EFHC1: variants seen among roughly 807,000 people sequenced by gnomAD.
EFHC1 encodes EF-hand domain-containing protein 1.
Under a neutral mutation model 69.9 loss-of-function variants are expected in EFHC1, and 53 were observed. The ratio of observed to expected loss-of-function variants is 0.76; its 90% CI spans 0.61 to 0.95. The LOEUF is 0.95. Ranked by LOEUF, EFHC1 falls within the 40% of genes least tolerant of loss-of-function variation. The pLI is 0.00. For missense variants in EFHC1, 739 were observed against 798.7 expected (o/e 0.93, Z 0.90); for synonymous variants, 256 against 278.4 (o/e 0.92, Z 0.80).
intron 10 of EFHC1, chr6:52,490,620 C>T (rs1765880537): frequency 3.4e-6 from 2 of 586,052 alleles, no homozygotes; most frequent in Non-Finnish European, 6.0e-6. Context: ...TGAAGAAGGG[C>T]AACAGAGACG....
chr6:52,439,488 T>C (rs1290502752), intron 3 of EFHC1, among the ~76,000 whole-genome samples: 1 of 152,198 alleles, frequency 6.6e-6, no homozygotes, highest in East Asian at 1.9e-4. Flanking sequence ...TTCAGATGAC[T>C]ATGACAAGCT....
Position 52,423,622 on chromosome 6 carries a change from C to T in EFHC1, c.64-324C>T, listed in dbSNP as rs188881361. 486 of 540,646 alleles carry T rather than the reference C, an allele frequency of 9.0e-4. 2 individuals carry two copies. Among genetic ancestry groups the T allele is most frequent in the Non-Finnish European group, 1.4e-3 (424 of 312,420 alleles). The allele number at this position is 540,646 out of a possible 1,614,324, so 33.5% of individuals were successfully genotyped here. ...GCTCAAGTGATCCTTCCACCTCAGC[C>T]GACTATAATAGGCACAAGCCACCAC... On this transcript the variant is annotated intron_variant, in intron 1 of 10. Transcript: ENST00000371068.
intron 2 of EFHC1, among the ~76,000 whole-genome samples, chr6:52,425,493 G>T (rs779905205): frequency 5.3e-5 from 8 of 151,996 alleles, no homozygotes; most frequent in Non-Finnish European, 1.0e-4. Flanking sequence ...GAGAAATTGC[G>T]CTTGAGTAGG....
chr6:52,486,082 C>T (rs964078911), intron 9 of EFHC1: 4 of 152,176 alleles, frequency 2.6e-5, no homozygotes, highest in African/African-American at 4.8e-5. Context: ...GATAAAGAAT[C>T]GCGATCTAAG....
chr6:52,465,218 A>G, intron 6 of EFHC1, 103 bp downstream of exon 6: 2 of 1,000,786 alleles, frequency 2.0e-6, no homozygotes, highest in East Asian at 2.6e-5. Context: ...ATAATGGACA[A>G]AGTATATGTA....
intron 7 of EFHC1, among the ~76,000 whole-genome samples, chr6:52,477,011 T>G (rs1420829038): frequency 6.6e-6 from 1 of 152,190 alleles, no homozygotes; most frequent in Non-Finnish European, 1.5e-5. Context: ...ATATTTATGC[T>G]TTTCTATAAA....
Position 52,493,318 on chromosome 6 carries a change from A to C in EFHC1, c.*977A>C, listed in dbSNP as rs986881792. 9.4e-6 allele frequency: 4 copies of C among 427,588 alleles called. No individual in the cohort carries two copies. Among genetic ancestry groups the C allele is most frequent in the African/African-American group, 2.2e-5 (1 of 45,126 alleles). 26.5% of individuals were successfully genotyped at this position (427,588 alleles called of 1,614,324 possible). ...CAGATCTTGGGACTTGTAAGCCTTC[A>C]TAATTGTGTGAGCAATTTCTTATAA... On this transcript the variant is annotated 3_prime_UTR_variant, in exon 11 of 11. Transcript: ENST00000371068.
rs527754851 is a variant in EFHC1, at chr6:52,478,425, T to TAAAA, written c.1279-606_1279-603dup. Among the ~76,000 whole-genome samples the TAAAA allele has an allele frequency of 5.3e-3, 808 of 151,334 alleles. 7 individuals carry two copies. Among genetic ancestry groups the TAAAA allele is most frequent in the African/African-American group, 0.018 (758 of 41,292 alleles). On this transcript the variant is annotated intron_variant, in intron 7 of 10. Transcript: ENST00000371068. ...ATGTACCCTAAAACTTAAACTATAA[T>TAAAA]AAAAAAAAAGAAAAAGTCTTGTCTA...
At chr6:52,481,540 CG>C (rs1765676443) in intron 9 of EFHC1, 2 of 146,062 alleles carry the variant, frequency 1.4e-5, no homozygotes, top group African/African-American at 5.1e-5. Flanking sequence ...CTCTCTCTCT[CG>C]ACAGGATCTC....
chr6:52,440,315 C>T (rs1332317198), intron 3 of EFHC1, among the ~76,000 whole-genome samples: 2 of 152,014 alleles, frequency 1.3e-5, no homozygotes, highest in South Asian at 2.1e-4. Context: ...CTATAACTCA[C>T]GTCTGAACAA....
intron 2 of EFHC1, among the ~76,000 whole-genome samples, chr6:52,431,648 A>G (rs61380745): frequency 0.018 from 2,801 of 152,254 alleles, 96 homozygotes; most frequent in African/African-American, 0.064. Context: ...AGAAAGTTCT[A>G]TGCGCTGTTG....
chr6:52,436,868 C>T (rs1250906145), intron 2 of EFHC1, among the ~76,000 whole-genome samples: 1 of 152,168 alleles, frequency 6.6e-6, no homozygotes, highest in African/African-American at 2.4e-5. Flanking sequence ...TCTCAAACAC[C>T]TTAACTCAGG....
intron 3 of EFHC1, among the ~76,000 whole-genome samples, chr6:52,448,030 TGAG>T (rs1013136517): frequency 2.3e-4 from 35 of 152,332 alleles, no homozygotes; most frequent in African/African-American, 7.7e-4. Context: ...GGGACCCACT[TGAG>T]GAGGCAGTCT....
At chr6:52,449,910 A>AT (rs1764878095) in intron 3 of EFHC1, among the ~76,000 whole-genome samples, 1 of 152,140 alleles carries the variant, frequency 6.6e-6, no homozygotes, top group Non-Finnish European at 1.5e-5. Flanking sequence ...TAGGTTGTTA[A>AT]TTTGAGATGT....
chr6:52,434,936 G>A (rs1349013844), intron 2 of EFHC1, among the ~76,000 whole-genome samples: 1 of 151,668 alleles, frequency 6.6e-6, no homozygotes, highest in Non-Finnish European at 1.5e-5. Flanking sequence ...ATATATATAT[G>A]TGTATCTCCT....
At chr6:52,444,817 G>A (rs1326533390) in intron 3 of EFHC1, among the ~76,000 whole-genome samples, 1 of 152,176 alleles carries the variant, frequency 6.6e-6, no homozygotes, top group African/African-American at 2.4e-5. Context: ...ATGAATTAGG[G>A]AGGATTCCCT....
At position 52,460,281 on chromosome 6, in the gene EFHC1, A is replaced by G. The variant is rs1388096893; in HGVS notation, c.917-4614A>G. On this transcript the variant is annotated intron_variant, in intron 5 of 10. Transcript: ENST00000371068. ...GCTAAGAGAATGAATTCAGACAAAA[A>G]TACATGCCATATAATTCCATTGGTG... Among the ~76,000 whole-genome samples the G allele has an allele frequency of 2.0e-5, 3 of 152,230 alleles. No individual in the cohort carries two copies. In the East Asian group the frequency reaches 5.8e-4, roughly 29 times the overall value.
chr6:52,474,516 G>C (rs115208135), intron 7 of EFHC1, among the ~76,000 whole-genome samples: 2 of 152,066 alleles, frequency 1.3e-5, no homozygotes, highest in East Asian at 3.8e-4. Context: ...TTACTAGATG[G>C]TGCTAAGGGT....
chr6:52,459,377 A>G (rs914612755), intron 5 of EFHC1, among the ~76,000 whole-genome samples: 2 of 152,244 alleles, frequency 1.3e-5, no homozygotes, highest in African/African-American at 4.8e-5. Flanking sequence ...TAGGAAAACA[A>G]CCCAAATAAA....
Sources: gnomAD v4.1 joint callset for allele counts (sites outside exome capture counted in the v4.1 genomes callset) on GRCh38, gnomAD v4.1.1 for gene constraint, MANE v1.5 for transcripts, NCBI Gene and HGNC (gene_info 2026-07-23, HGNC 2026-07-21) for gene names.